Variants in CRYBG3 observed in about 807,000 individuals in gnomAD.
CRYBG3 encodes the protein crystallin beta-gamma domain containing 3, also known as very large A-kinase anchor protein.
Under a neutral mutation model 244.2 loss-of-function variants are expected in CRYBG3, and 127 were observed. That is an observed-to-expected ratio of 0.52 (90% confidence interval 0.45 to 0.60). The LOEUF is 0.60. Ranked by LOEUF, CRYBG3 falls within the 20% of genes least tolerant of loss-of-function variation. The probability of loss-of-function intolerance (pLI) is 0.00; values close to 1 mark genes in which losing one functional copy is unlikely to be tolerated. For synonymous variants in CRYBG3, 1,132 were observed against 1,195.8 expected (o/e 0.95, Z 1.10); for missense variants, 3,325 against 3,442.5 (o/e 0.97, Z 0.85).
chr3:97,907,298 T>C (rs1011838657), intron 15 of CRYBG3, among the ~76,000 whole-genome samples: 3 of 152,244 alleles, frequency 2.0e-5, no homozygotes, highest in African/African-American at 7.2e-5. Flanking sequence ...TTTCTATTGA[T>C]TGGAATAGTT....
rs770163033 is a variant in CRYBG3 at position 97,942,310 on chromosome 3, T to G, written c.8691T>G (p.Ile2897Met). 1.2e-6 allele frequency: 2 copies of G among 1,610,880 alleles called. No homozygotes were observed. The highest frequency in any genetic ancestry group is 1.7e-6 in the Non-Finnish European group (2 of 1,178,068). Residue 2897 changes from isoleucine to methionine, a missense_variant, in exon 21 of 22, where the codon ATT (isoleucine) becomes ATG (methionine). Physicochemically the swap from Ile to Met is conservative, Grantham distance 10. This residue lies in a region of CRYBG3 where 714 missense variants were observed against 803.6 expected (regional missense o/e 0.89). Coordinates refer to ENST00000389622, the MANE Select transcript of CRYBG3 (RefSeq NM_153605.4). Reference protein sequence around the residue: ...SKASDTCLDVIGGRDTPGAKV... With the variant: ...SKASDTCLDVMGGRDTPGAKV... ...CCAGTGATACATGTCTTGATGTGAT[T>G]GGTGGCCGGGACACACCTGGAGCTA...
At chr3:97,929,660 G>A (rs1238632186) in intron 17 of CRYBG3, among the ~76,000 whole-genome samples, 1 of 151,970 alleles carries the variant, frequency 6.6e-6, no homozygotes, top group Middle Eastern at 3.2e-3. Context: ...TATGAGAGGT[G>A]GGATATTTTT....
chr3:97,915,643 T>G lies in CRYBG3; in HGVS notation c.8148T>G (p.Val2716=). The change falls in exon 17 of 22, where the codon GTT becomes GTG. Residue 2716 remains valine, a synonymous_variant. Coordinates refer to ENST00000389622, the MANE Select transcript of CRYBG3 (RefSeq NM_153605.4). ...TCTATTACCAAGAAGACATGTTTGT[T>G]AATCACTGTGTGTTAGAAGAAGGCC... is the stretch of plus-strand genomic sequence containing the variant. ...WLLYYQEDMF[V]NHCVLEEGLY... 6.2e-7 allele frequency: 1 copy of G among 1,612,394 alleles called. No individual in the cohort carries two copies.
At chr3:97,910,564 C>G (rs541422919) in intron 15 of CRYBG3, among the ~76,000 whole-genome samples, 196 of 152,346 alleles carry the variant, frequency 1.3e-3, no homozygotes, top group Non-Finnish European at 1.5e-3. Flanking sequence ...CTCCCTGACC[C>G]CTTGCGCTTC....
chr3:97,887,631 C>T (rs2039524907), intron 8 of CRYBG3, among the ~76,000 whole-genome samples: 1 of 152,178 alleles, frequency 6.6e-6, no homozygotes, highest in Admixed American at 6.5e-5. Context: ...TGGCGCATTC[C>T]TGTAATCCCA....
At chr3:97,845,513 T>C (rs2038887449) in intron 2 of CRYBG3, among the ~76,000 whole-genome samples, 1 of 152,240 alleles carries the variant, frequency 6.6e-6, no homozygotes. Context: ...TATATCTAGC[T>C]GGAGATGCTT....
At chr3:97,841,257 T>TGC (rs2038811022) in intron 1 of CRYBG3, among the ~76,000 whole-genome samples, 1 of 135,290 alleles carries the variant, frequency 7.4e-6, no homozygotes, top group Non-Finnish European at 1.5e-5. Context: ...TATGTATATA[T>TGC]GTGTATACAC....
At chr3:97,938,083 A>G (rs958179839) in intron 19 of CRYBG3, among the ~76,000 whole-genome samples, 10 of 151,996 alleles carry the variant, frequency 6.6e-5, no homozygotes, top group African/African-American at 2.2e-4. Flanking sequence ...GCCCGTGGAT[A>G]TGGCATTAGT....
chr3:97,912,111 G>T (rs754393369), intron 15 of CRYBG3, 56 bp from the exon 16 acceptor site: 6 of 811,216 alleles, frequency 7.4e-6, no homozygotes, highest in Admixed American at 2.7e-5. Flanking sequence ...TTATTTGCTC[G>T]TGATCATCTA....
intron 19 of CRYBG3, among the ~76,000 whole-genome samples, chr3:97,937,688 C>T (rs1166857530): frequency 6.6e-6 from 1 of 151,960 alleles, no homozygotes; most frequent in Non-Finnish European, 1.5e-5. Flanking sequence ...TATAGAAAAC[C>T]CTGTGAAGTC....
intron 15 of CRYBG3, among the ~76,000 whole-genome samples, chr3:97,911,890 G>A (rs1349274871): frequency 6.6e-6 from 1 of 152,118 alleles, no homozygotes; most frequent in Non-Finnish European, 1.5e-5. Context: ...TACTCTTCTA[G>A]GTAGAATTGA....
chr3:97,876,996 C>G lies in CRYBG3; in HGVS notation c.5802C>G (p.Ser1934=), dbSNP rs750816002. The G allele has an allele frequency of 4.8e-5, 73 of 1,523,216 alleles. No individual in the cohort carries two copies. Among genetic ancestry groups the G allele is most frequent in the Non-Finnish European group, 6.3e-5 (72 of 1,138,822 alleles). The allele number at this position is 1,523,216 out of a possible 1,614,324, so 94.4% of individuals were successfully genotyped here. A position where few individuals can be genotyped will look rare whatever the true frequency, so the allele number is the denominator to read the frequency against. ...RLPTYFRGYE[S]PTLSKDYEGY... ...CTACATATTTCAGGGGATATGAATC[C>G]CCTACATTAAGTAAGGATTATGAGG... Residue 1934 remains serine (S), a synonymous_variant, in exon 4 of 22, where the codon TCC becomes TCG. Coordinates refer to ENST00000389622, the MANE Select transcript of CRYBG3 (RefSeq NM_153605.4).
chr3:97,934,506 A>C (rs1216623182), intron 18 of CRYBG3, among the ~76,000 whole-genome samples: 2 of 152,042 alleles, frequency 1.3e-5, no homozygotes, highest in East Asian at 3.9e-4. Flanking sequence ...GCAAAAGTCA[A>C]CTAAAAAAAC....
chr3:97,873,712 A>C lies in CRYBG3; in HGVS notation c.2518A>C (p.Lys840Gln). The part of the protein sequence containing the change: ...SGRGKTISLS[K>Q]VSLSKVEPRN... Reference sequence around the variant, plus strand: ...AAGAGGAAAAACTATATCCTTGTCCAAGGTATCTCTTTCAAAAGTGGAGCC... The same window carrying C: ...AAGAGGAAAAACTATATCCTTGTCCCAGGTATCTCTTTCAAAAGTGGAGCC... Residue 840 changes from lysine (K) to glutamine (Q), a missense_variant, in exon 4 of 22, where the codon AAG (lysine) becomes CAG (glutamine). By Grantham distance (53) the Lys-to-Gln change is moderately conservative. This residue lies in a region of CRYBG3 where 1,526 missense variants were observed against 1,443.2 expected (regional missense o/e 1.06). Coordinates refer to ENST00000389622, the MANE Select transcript of CRYBG3 (RefSeq NM_153605.4). The C allele has an allele frequency of 6.5e-7, 1 of 1,535,970 alleles. No individual in the cohort carries two copies. The highest frequency in any genetic ancestry group is 1.2e-5 in the South Asian group (1 of 84,058).
intron 1 of CRYBG3, 91 bp from the exon 2 acceptor site, chr3:97,843,104 A>G: frequency 1.4e-6 from 1 of 707,436 alleles, no homozygotes; most frequent in Non-Finnish European, 2.3e-6. Context: ...TTGCAGATAA[A>G]GGACCTTTCA....
At position 97,881,173 on chromosome 3, in the gene CRYBG3, A is replaced by G. The variant is rs2039442338; in HGVS notation, c.7106A>G (p.His2369Arg). 2.5e-6 allele frequency: 4 copies of G among 1,611,426 alleles called. No homozygotes were observed. The highest frequency in any genetic ancestry group is 1.1e-5 in the South Asian group (1 of 90,540). Residue 2369 changes from histidine (H) to arginine (R), a missense_variant, in exon 7 of 22, where the codon CAT becomes CGT. His to Arg is a conservative substitution (Grantham distance 29). Coordinates refer to ENST00000389622, the MANE Select transcript of CRYBG3 (RefSeq NM_153605.4). ...GACTGGATTCTTCAGAACAGAAGGC[A>G]TCCACAAAGAAACTTTATATTGGGT... ...NRDWILQNRR[H>R]PQRNFILGSL...
At chr3:97,934,828 T>C (rs1431291391) in intron 18 of CRYBG3, among the ~76,000 whole-genome samples, 1 of 152,146 alleles carries the variant, frequency 6.6e-6, no homozygotes, top group African/African-American at 2.4e-5. Flanking sequence ...TTTACATCCC[T>C]GTGATATAGG....
Position 97,875,982 on chromosome 3 carries a change from A to C in CRYBG3, c.4788A>C (p.Glu1596Asp), listed in dbSNP as rs531340017. ...EPKANVFKMG[E>D]VYQMDAESCI... ...AAGCTAATGTTTTTAAAATGGGAGA[A>C]GTATACCAAATGGATGCCGAGAGCT... is the stretch of plus-strand genomic sequence containing the variant. Residue 1596 changes from glutamate to aspartate, a missense_variant, in exon 4 of 22, where the codon GAA becomes GAC. By Grantham distance (45) the Glu-to-Asp change is conservative (BLOSUM62 2). This residue lies in a region of CRYBG3 where 635 missense variants were observed against 771.7 expected (regional missense o/e 0.82). Coordinates refer to ENST00000389622, the MANE Select transcript of CRYBG3 (RefSeq NM_153605.4). 1 of 1,232,142 alleles carries C rather than the reference A, an allele frequency of 8.1e-7. No individual in the cohort carries two copies. Among genetic ancestry groups the C allele is most frequent in the African/African-American group, 1.5e-5 (1 of 64,544 alleles). 76.3% of individuals were successfully genotyped at this position (1,232,142 alleles called of 1,614,324 possible). A position where few individuals can be genotyped will look rare whatever the true frequency, so the allele number is the denominator to read the frequency against.
At position 97,837,985 on chromosome 3, in the gene CRYBG3, C is replaced by G. The variant is rs372258324; in HGVS notation, c.150-5210C>G. ...TTTACTCTCCCTTACTGTGCCTCAC[C>G]CCTCTCCACTGAGTGTACCCTTTGT... is the stretch of plus-strand genomic sequence containing the variant. On this transcript the variant is annotated intron_variant, in intron 1 of 21. Transcript: ENST00000389622. Among the ~76,000 whole-genome samples, 172 of 152,180 alleles carry G rather than the reference C, an allele frequency of 1.1e-3. 1 individual carries two copies. Among genetic ancestry groups the G allele is most frequent in the Middle Eastern group, 0.01 (3 of 294 alleles).
Sources: gnomAD v4.1 joint callset for allele counts (sites outside exome capture counted in the v4.1 genomes callset) on GRCh38, gnomAD v4.1.1 for gene constraint, gnomAD v4.1.1 regional missense constraint, MANE v1.5 for transcripts, NCBI Gene and HGNC (gene_info 2026-07-23, HGNC 2026-07-21) for gene names.